The following RAPGEF2 variants were observed in gnomAD, a reference collection of about 807,000 sequenced individuals.
The protein encoded by RAPGEF2 is PDZ domain containing guanine nucleotide exchange factor (GEF) 1.
In RAPGEF2, 54 loss-of-function variants were observed where a neutral mutation model predicts 186.7. That is an observed-to-expected ratio of 0.29 (90% CI 0.23 to 0.36). The LOEUF is 0.36. RAPGEF2 is among the 10% of genes least tolerant of loss of function. The probability of loss-of-function intolerance (pLI) is 1.00; values close to 1 mark genes in which losing one functional copy is unlikely to be tolerated. For missense variants in RAPGEF2, 1,532 were observed against 2,045.0 expected (o/e 0.75, Z 4.84); for synonymous variants, 712 against 705.9 (o/e 1.01, Z -0.14).
In RAPGEF2 at chr4:159,294,947, C is replaced by A. The variant is rs572022177; in HGVS notation, c.544-9395C>A. On this transcript the variant is annotated intron_variant, in intron 7 of 29. Transcript: ENST00000691494. ...ACCTCAGGTGATCTACCTGCCTCGGCCTCCCAAAGTGCTGGGATTACTGGC... is the reference window on the plus strand; with the variant it reads ...ACCTCAGGTGATCTACCTGCCTCGGACTCCCAAAGTGCTGGGATTACTGGC... Among the ~76,000 whole-genome samples the A allele has an allele frequency of 5.9e-5, 9 of 152,320 alleles. No homozygotes were observed. In the East Asian group the frequency reaches 1.7e-3, roughly 29 times the overall value.
intron 3 of RAPGEF2, among the ~76,000 whole-genome samples, chr4:159,203,603 C>T (rs1749673519): frequency 6.6e-6 from 1 of 152,074 alleles, no homozygotes; most frequent in African/African-American, 2.4e-5. Context: ...TATTTAGAAG[C>T]TAGACTGCAG....
At chr4:159,356,711 G>GC (rs1178465714) in intron 29 of RAPGEF2, among the ~76,000 whole-genome samples, 3 of 152,008 alleles carry the variant, frequency 2.0e-5, no homozygotes, top group Non-Finnish European at 4.4e-5. Flanking sequence ...GACCAGCCTG[G>GC]CCAAAGTAGT....
intron 26 of RAPGEF2, among the ~76,000 whole-genome samples, chr4:159,350,735 A>G (rs1580060064): frequency 6.6e-6 from 1 of 152,174 alleles, no homozygotes; most frequent in East Asian, 1.9e-4. Context: ...TTTAGAGACT[A>G]TATTTTAGGT....
chr4:159,127,086 G>A (rs1359656184), intron 1 of RAPGEF2, among the ~76,000 whole-genome samples: 3 of 152,172 alleles, frequency 2.0e-5, no homozygotes, highest in Admixed American at 6.5e-5. Context: ...GAGTGCAGTG[G>A]TGCTATCTTG....
chr4:159,211,138 T>C (rs866083182), intron 4 of RAPGEF2, among the ~76,000 whole-genome samples: 3 of 152,246 alleles, frequency 2.0e-5, no homozygotes, highest in Non-Finnish European at 2.9e-5. Context: ...TACTCACTTA[T>C]GGCCTTATGT....
At chr4:159,104,420 C>T (rs535037387) in intron 1 of RAPGEF2, among the ~76,000 whole-genome samples, 189 bp downstream of exon 1, 4 of 151,436 alleles carry the variant, frequency 2.6e-5, no homozygotes, top group East Asian at 2.0e-4. Context: ...TTATTTTTCC[C>T]TCTCCTTGAC....
At chr4:159,259,478 A>G (rs1441496928) in intron 7 of RAPGEF2, among the ~76,000 whole-genome samples, 1 of 152,196 alleles carries the variant, frequency 6.6e-6, no homozygotes, top group African/African-American at 2.4e-5. Context: ...AAGCACAGCT[A>G]TCTTTTTTTC....
intron 1 of RAPGEF2, among the ~76,000 whole-genome samples, chr4:159,180,102 T>C (rs747251421): frequency 6.6e-6 from 1 of 152,198 alleles, no homozygotes; most frequent in East Asian, 1.9e-4. Flanking sequence ...AAGACATTGC[T>C]TAGTCCCGCT....
At position 159,189,712 on chromosome 4, in the gene RAPGEF2, T is replaced by C. The variant is rs188285511; in HGVS notation, c.140+3000T>C. ...TCAATATGCTTCAGCTAAAACATTG[T>C]CTAACAATGTTTAAAGACAAAAAGC... On this transcript the variant is annotated intron_variant, in intron 2 of 29. Transcript: ENST00000691494. Among the ~76,000 whole-genome samples the C allele has an allele frequency of 2.2e-3, 332 of 152,346 alleles. 2 individuals are homozygous for C. Among genetic ancestry groups the C allele is most frequent in the African/African-American group, 7.4e-3 (308 of 41,578 alleles).
chr4:159,125,010 C>T (rs1307138986), intron 1 of RAPGEF2, among the ~76,000 whole-genome samples: 1 of 151,438 alleles, frequency 6.6e-6, no homozygotes, highest in Non-Finnish European at 1.5e-5. Flanking sequence ...TTGAAACTGT[C>T]TGTAGTCTTT....
At chr4:159,162,221 CAAAAAAAA>C (rs35274144) in intron 1 of RAPGEF2, among the ~76,000 whole-genome samples, 1 of 98,262 alleles carries the variant, frequency 1.0e-5, no homozygotes, top group Non-Finnish European at 2.1e-5. Context: ...TGTGTTTCTT[CAAAAAAAA>C]AAAAAAAAAA....
At chr4:159,274,447 A>G (rs1038487484) in intron 7 of RAPGEF2, among the ~76,000 whole-genome samples, 5 of 152,238 alleles carry the variant, frequency 3.3e-5, no homozygotes, top group African/African-American at 1.2e-4. Flanking sequence ...ACGAATGTCT[A>G]AATATATCTA....
intron 1 of RAPGEF2, among the ~76,000 whole-genome samples, chr4:159,149,582 C>T (rs1421712775): frequency 6.6e-6 from 1 of 152,136 alleles, no homozygotes. Context: ...TCTTCTTCCT[C>T]TTCATCTCCT....
intron 11 of RAPGEF2, chr4:159,327,392 C>T (rs1347550494): frequency 1.3e-5 from 2 of 152,064 alleles, no homozygotes; most frequent in Non-Finnish European, 2.9e-5. Flanking sequence ...TGAACAGGTA[C>T]GGTGGCTCAT....
intron 3 of RAPGEF2, among the ~76,000 whole-genome samples, chr4:159,197,160 A>G (rs1362870208): frequency 6.6e-6 from 1 of 152,232 alleles, no homozygotes; most frequent in Non-Finnish European, 1.5e-5. Flanking sequence ...TGAGAAACAT[A>G]TATGTAAAAA....
intron 18 of RAPGEF2, among the ~76,000 whole-genome samples, chr4:159,338,725 A>G (rs1243285182): frequency 6.6e-6 from 1 of 152,268 alleles, no homozygotes; most frequent in Non-Finnish European, 1.5e-5. Context: ...AAGATAACAC[A>G]TCCCATGCCA....
intron 4 of RAPGEF2, among the ~76,000 whole-genome samples, chr4:159,215,439 A>G (rs946802358): frequency 1.3e-5 from 2 of 152,114 alleles, no homozygotes; most frequent in African/African-American, 4.8e-5. Context: ...TGACCTCCCA[A>G]AGTTCTGGGA....
intron 8 of RAPGEF2, among the ~76,000 whole-genome samples, chr4:159,309,783 A>G (rs1763741246): frequency 6.6e-6 from 1 of 152,218 alleles, no homozygotes; most frequent in Non-Finnish European, 1.5e-5. Flanking sequence ...CAAAATAGAT[A>G]GATCAATAGA....
chr4:159,332,929 ATTT>A (rs1429321366), intron 17 of RAPGEF2: 7 of 320,522 alleles, frequency 2.2e-5, no homozygotes, highest in Non-Finnish European at 3.9e-5. Context: ...CATTTGAACT[ATTT>A]TTTGGGGGTT....
Sources: allele counts gnomAD v4.1 joint callset (sites outside exome capture counted in the v4.1 genomes callset), GRCh38; gene constraint gnomAD v4.1.1; transcripts MANE v1.5; gene names NCBI Gene and HGNC (gene_info 2026-07-23, HGNC 2026-07-21).